Variants in C6 observed in about 807,000 individuals in gnomAD.
C6 encodes complement C6.
Under a neutral mutation model 112.9 loss-of-function variants are expected in C6, and 101 were observed. That is an observed-to-expected ratio of 0.89 (90% CI 0.76 to 1.06). The LOEUF (loss-of-function observed/expected upper bound fraction) is 1.06, where lower values mean the gene tolerates loss of function less well. Ranked by LOEUF, C6 falls within the 50% of genes least tolerant of loss-of-function variation. The probability of loss-of-function intolerance (pLI) is 0.00; values close to 1 mark genes in which losing one functional copy is unlikely to be tolerated. For missense variants in C6, 1,202 were observed against 1,104.6 expected, an observed-to-expected ratio of 1.09 and a Z score of -1.25; for synonymous variants, 431 against 384.1, an observed-to-expected ratio of 1.12 and a Z score of -1.43.
At chr5:41,192,180 G>A (rs1750266608) in intron 5 of C6, among the ~76,000 whole-genome samples, 1 of 152,050 alleles carries the variant, frequency 6.6e-6, no homozygotes, top group Non-Finnish European at 1.5e-5. Flanking sequence ...TCTCTCTGTT[G>A]ATGTGATGAC....
chr5:41,152,909 G>A (rs1273741301), intron 15 of C6: 2 of 152,186 alleles, frequency 1.3e-5, no homozygotes, highest in African/African-American at 4.8e-5. Context: ...CTTCCAATCA[G>A]CCTCAGGTTG....
At chr5:41,170,697 CTGTT>C (rs1303499139) in intron 9 of C6, among the ~76,000 whole-genome samples, 7 of 152,072 alleles carry the variant, frequency 4.6e-5, no homozygotes, top group Non-Finnish European at 8.8e-5. Context: ...TTAAAATTAT[CTGTT>C]TATTATTATA....
intron 17 of C6, 94 bp from the exon 18 acceptor site, chr5:41,143,100 G>T: frequency 8.9e-7 from 1 of 1,121,934 alleles, no homozygotes; most frequent in Non-Finnish European, 1.3e-6. Context: ...GCTCCTTGAT[G>T]GTGTTAAATT....
chr5:41,191,705 TC>T (rs1347694009), intron 5 of C6, among the ~76,000 whole-genome samples: 2 of 152,108 alleles, frequency 1.3e-5, no homozygotes, highest in Non-Finnish European at 2.9e-5. Context: ...TCCCTCTAGC[TC>T]GTGATAATAT....
intron 17 of C6, among the ~76,000 whole-genome samples, chr5:41,143,318 C>A (rs1373979162): frequency 6.6e-6 from 1 of 152,124 alleles, no homozygotes; most frequent in African/African-American, 2.4e-5. Context: ...TGGCACTTCC[C>A]CCGTCTCACT....
chr5:41,159,795 T>C (rs560141881), intron 11 of C6, among the ~76,000 whole-genome samples: 1 of 152,294 alleles, frequency 6.6e-6, no homozygotes, highest in South Asian at 2.1e-4. Flanking sequence ...CAGAATCATA[T>C]ATTTTATTTG....
rs577937091 is a variant in C6 at position 41,194,012 on chromosome 5, C to T, written c.587+1780G>A. ...AACAGCTCTGGTTGGCAGAGGGCCA[C>T]GTCGTCCTTCAGCCAAAGTACACAT... On this transcript the variant is annotated intron_variant, in intron 5 of 17. Coordinates refer to ENST00000337836, the MANE Select transcript of C6 (RefSeq NM_000065.5). 3.9e-5 allele frequency among the ~76,000 whole-genome samples: 6 copies of T among 152,204 alleles called. No homozygotes were observed. In the South Asian group the frequency reaches 8.3e-4, roughly 21 times the overall value.
intron 1 of C6, among the ~76,000 whole-genome samples, chr5:41,245,897 C>T (rs1433982150): frequency 2.6e-5 from 4 of 151,994 alleles, no homozygotes; most frequent in Non-Finnish European, 4.4e-5. Flanking sequence ...TATGATTTTC[C>T]TTTTTTAAAA....
At chr5:41,238,094 G>A (rs1182071911) in intron 1 of C6, among the ~76,000 whole-genome samples, 7 of 42,604 alleles carry the variant, frequency 1.6e-4, no homozygotes, top group Admixed American at 1.4e-3. Flanking sequence ...CAAACAAATG[G>A]AAGAACATTC....
intron 17 of C6, among the ~76,000 whole-genome samples, chr5:41,143,567 T>A (rs1580008286): frequency 6.6e-6 from 1 of 152,366 alleles, no homozygotes; most frequent in East Asian, 1.9e-4. Flanking sequence ...CTTTATTTTT[T>A]TGAACCCTTA....
At chr5:41,222,343 G>GC (rs1238134741) in intron 1 of C6, among the ~76,000 whole-genome samples, 5 of 151,708 alleles carry the variant, frequency 3.3e-5, no homozygotes, top group Non-Finnish European at 7.4e-5. Flanking sequence ...GTTGTTATAT[G>GC]CTAATAGCTT....
At chr5:41,176,027 T>C (rs1349592108) in intron 8 of C6, among the ~76,000 whole-genome samples, 1 of 152,226 alleles carries the variant, frequency 6.6e-6, no homozygotes, top group Non-Finnish European at 1.5e-5. Flanking sequence ...GTTAAAATTA[T>C]TACAGGAAAA....
intron 1 of C6, among the ~76,000 whole-genome samples, chr5:41,224,061 CAT>C (rs538441917): frequency 4.1e-4 from 63 of 152,192 alleles, no homozygotes; most frequent in African/African-American, 1.3e-3. Flanking sequence ...AAAAATTGTA[CAT>C]GTTTGTCTAT....
intron 1 of C6, among the ~76,000 whole-genome samples, chr5:41,252,907 G>T (rs1380629403): frequency 2.0e-5 from 3 of 152,134 alleles, no homozygotes. Context: ...ATTGATTTAT[G>T]TCTTTGCCTG....
At chr5:41,150,898 A>T (rs1198571872) in intron 15 of C6, among the ~76,000 whole-genome samples, 1 of 151,932 alleles carries the variant, frequency 6.6e-6, no homozygotes, top group African/African-American at 2.4e-5. Flanking sequence ...AAAAAAAAAA[A>T]AAGGCAGGCA....
intron 7 of C6, 140 bp downstream of exon 7, chr5:41,181,219 A>C: frequency 2.7e-6 from 2 of 745,256 alleles, no homozygotes; most frequent in South Asian, 3.6e-5. Flanking sequence ...GAGATATAAC[A>C]AAAAATGGAA....
At chr5:41,185,782 A>G (rs959015823) in intron 6 of C6, among the ~76,000 whole-genome samples, 1 of 152,184 alleles carries the variant, frequency 6.6e-6, no homozygotes, top group Admixed American at 6.5e-5. Flanking sequence ...TGAATATTCA[A>G]TGGAGAAAGC....
chr5:41,155,791 A>C lies in C6; in HGVS notation c.1969-687T>G, dbSNP rs144671826. On this transcript the variant is annotated intron_variant, in intron 13 of 17. Coordinates refer to ENST00000337836, the MANE Select transcript of C6 (RefSeq NM_000065.5). Reference sequence around the variant, plus strand: ...CCAAAACAAAAAAAAAATAGAAGAAACCAAAAAACTATATATGGGATGTCC... The same window carrying C: ...CCAAAACAAAAAAAAAATAGAAGAACCCAAAAAACTATATATGGGATGTCC... 4.0e-3 allele frequency among the ~76,000 whole-genome samples: 616 copies of C among 152,138 alleles called. 10 individuals carry two copies. The highest frequency in any genetic ancestry group is 3.7e-3 in the Non-Finnish European group (254 of 67,988).
intron 1 of C6, among the ~76,000 whole-genome samples, chr5:41,236,357 T>G (rs1042983326): frequency 2.5e-4 from 38 of 150,592 alleles, no homozygotes; most frequent in African/African-American, 9.1e-4. Context: ...TTGCTTGTTT[T>G]TCTCAGGTTT....
Sources: allele counts gnomAD v4.1 joint callset (sites outside exome capture counted in the v4.1 genomes callset), GRCh38; gene constraint gnomAD v4.1.1; transcripts MANE v1.5; gene names NCBI Gene and HGNC (gene_info 2026-07-23, HGNC 2026-07-21).